The following RGS6 variants were observed in gnomAD, a reference collection of about 807,000 sequenced individuals.
RGS6 encodes regulator of G-protein signaling 6.
A neutral mutation model predicts 78.5 loss-of-function variants in RGS6; 30 were observed. That is an observed-to-expected ratio of 0.38 (90% CI 0.29 to 0.52). The LOEUF (loss-of-function observed/expected upper bound fraction) is 0.52, where lower values mean the gene tolerates loss of function less well. RGS6 is among the 20% of genes least tolerant of loss of function. The pLI is 0.85. For synonymous variants in RGS6, 206 were observed against 206.0 expected, an observed-to-expected ratio of 1.00 and a Z score of 0.00; for missense variants, 495 against 609.7, an observed-to-expected ratio of 0.81 and a Z score of 1.98.
intron 2 of RGS6, among the ~76,000 whole-genome samples, chr14:72,242,996 G>A (rs977748022): frequency 9.2e-5 from 14 of 151,902 alleles, no homozygotes; most frequent in South Asian, 4.2e-4. Flanking sequence ...TTACAGGCGC[G>A]CGCCACCACA....
At chr14:72,274,031 C>T (rs532642330) in intron 2 of RGS6, among the ~76,000 whole-genome samples, 7 of 152,274 alleles carry the variant, frequency 4.6e-5, no homozygotes, top group African/African-American at 1.7e-4. Context: ...GGAAACAGTG[C>T]TAATTCCAGG....
chr14:72,324,736 T>G (rs1326546675), intron 2 of RGS6, among the ~76,000 whole-genome samples: 1 of 152,134 alleles, frequency 6.6e-6, no homozygotes, highest in Non-Finnish European at 1.5e-5. Flanking sequence ...GTGCCACATT[T>G]TCTTAATCCA....
chr14:72,619,435 T>C, the RGS6 span: 1 of 1,480,534 alleles, frequency 6.8e-7, no homozygotes, highest in South Asian at 1.2e-5. Context: ...CCACTGGCCC[T>C]AACTTCTTGT....
intron 3 of RGS6, among the ~76,000 whole-genome samples, chr14:72,395,315 CAT>C (rs1235290931): frequency 1.3e-5 from 2 of 152,032 alleles, no homozygotes; most frequent in African/African-American, 2.4e-5. Flanking sequence ...ATTATGTAGG[CAT>C]ATATATGTGT....
At chr14:72,298,462 C>T (rs1417116083) in intron 2 of RGS6, among the ~76,000 whole-genome samples, 11 of 115,716 alleles carry the variant, frequency 9.5e-5, no homozygotes. Context: ...TTTTCCCCCC[C>T]TCTGAGACAG....
At chr14:72,053,095 T>C (rs868393757) in intron 2 of RGS6, among the ~76,000 whole-genome samples, 1,774 of 45,798 alleles carry the variant, frequency 0.039, 128 homozygotes, top group Non-Finnish European at 0.045. Flanking sequence ...CTTCCTTCCT[T>C]CCTTCCTTCC....
At chr14:72,031,074 C>A (rs565983604) in intron 2 of RGS6, among the ~76,000 whole-genome samples, 9 of 151,494 alleles carry the variant, frequency 5.9e-5, no homozygotes, top group African/African-American at 1.9e-4. Flanking sequence ...TAAATATATA[C>A]TGAATAGATT....
chr14:72,128,803 A>G (rs2096255538), intron 2 of RGS6, among the ~76,000 whole-genome samples: 2 of 152,166 alleles, frequency 1.3e-5, no homozygotes, highest in African/African-American at 2.4e-5. Context: ...AGATCCCACA[A>G]CGTATGCGTG....
chr14:72,337,784 C>G (rs573915185), intron 2 of RGS6, among the ~76,000 whole-genome samples: 105 of 152,358 alleles, frequency 6.9e-4, no homozygotes, highest in African/African-American at 2.5e-3. Context: ...CCCTGCTGCT[C>G]TCCCAAGGGG....
chr14:72,399,862 A>G (rs1400104075), intron 3 of RGS6, among the ~76,000 whole-genome samples: 2 of 152,232 alleles, frequency 1.3e-5, no homozygotes, highest in Non-Finnish European at 2.9e-5. Flanking sequence ...GAAACAAACA[A>G]AGCCTCCAAG....
chr14:72,354,819 T>C (rs1246148509), intron 3 of RGS6, among the ~76,000 whole-genome samples: 1 of 152,182 alleles, frequency 6.6e-6, no homozygotes, highest in Non-Finnish European at 1.5e-5. Flanking sequence ...ATTTGGGTAA[T>C]GAAGGATACT....
chr14:72,371,137 G>T (rs1328760679), intron 3 of RGS6, among the ~76,000 whole-genome samples: 2 of 152,208 alleles, frequency 1.3e-5, no homozygotes, highest in Non-Finnish European at 2.9e-5. Context: ...CTTAACAAAT[G>T]TAACTTCACT....
chr14:72,183,198 A>T (rs933391861), intron 2 of RGS6, among the ~76,000 whole-genome samples: 2 of 152,222 alleles, frequency 1.3e-5, no homozygotes, highest in African/African-American at 4.8e-5. Context: ...GAATTGCAAG[A>T]TATAAAGTAT....
the RGS6 span, among the ~76,000 whole-genome samples, chr14:72,574,680 A>G: frequency 6.6e-6 from 1 of 152,178 alleles, no homozygotes; most frequent in East Asian, 1.9e-4. Context: ...TGCGAGTAAG[A>G]GGGGCATAGG....
At chr14:72,268,763 A>G (rs1293667502) in intron 2 of RGS6, among the ~76,000 whole-genome samples, 1 of 152,172 alleles carries the variant, frequency 6.6e-6, no homozygotes, top group Non-Finnish European at 1.5e-5. Flanking sequence ...TTGTGGTACC[A>G]TCCCGCCCCA....
intron 2 of RGS6, among the ~76,000 whole-genome samples, chr14:71,972,059 G>A (rs1047334822): frequency 6.6e-6 from 1 of 151,936 alleles, no homozygotes; most frequent in African/African-American, 2.4e-5. Context: ...ACAACGTGCA[G>A]GTTTGTTACA....
At chr14:72,619,272 G>A in the RGS6 span, 22 of 1,534,670 alleles carry the variant, frequency 1.4e-5, no homozygotes, top group Admixed American at 1.2e-4. Flanking sequence ...CTCCAGCAGC[G>A]AGTCACATTC....
rs7152979 is a variant in RGS6 at position 72,043,093 on chromosome 14, G to C, written c.84+78218G>C. Among the ~76,000 whole-genome samples the C allele has an allele frequency of 7.2e-3, 1,098 of 152,024 alleles. 13 individuals are homozygous for C. The highest frequency in any genetic ancestry group is 0.025 in the African/African-American group (1,037 of 41,470). On this transcript the variant is annotated intron_variant, in intron 2 of 17. Transcript: ENST00000553525. ...TCCCCTTTGCCCTTTTCTTTATTGTGATATTGGAAATGTCCCTTTCAATTA... is the reference window on the plus strand; with the variant it reads ...TCCCCTTTGCCCTTTTCTTTATTGTCATATTGGAAATGTCCCTTTCAATTA...
chr14:72,486,707 A>G (rs1205672880), intron 12 of RGS6, among the ~76,000 whole-genome samples: 1 of 152,160 alleles, frequency 6.6e-6, no homozygotes, highest in African/African-American at 2.4e-5. Context: ...TCTCTGCATT[A>G]AGCTTAGATC....
Sources: allele counts gnomAD v4.1 joint callset (sites outside exome capture counted in the v4.1 genomes callset), GRCh38; gene constraint gnomAD v4.1.1; transcripts MANE v1.5; gene names NCBI Gene and HGNC (gene_info 2026-07-23, HGNC 2026-07-21).